The following PUM1 variants were observed in gnomAD, a reference collection of about 807,000 sequenced individuals.
PUM1 encodes the protein pumilio RNA binding family member 1.
Under a neutral mutation model 131.8 loss-of-function variants are expected in PUM1, and 13 were observed. That is an observed-to-expected ratio of 0.10 (90% confidence interval 0.06 to 0.16). The LOEUF is 0.16. PUM1 is among the 10% of genes least tolerant of loss of function. PUM1 has a pLI of 1.00. For missense variants in PUM1, 961 were observed against 1,512.4 expected (o/e 0.64, Z 6.05); for synonymous variants, 509 against 556.5 (o/e 0.91, Z 1.20).
intron 17 of PUM1, among the ~76,000 whole-genome samples, chr1:30,949,555 A>T (rs959139381): frequency 2.6e-5 from 4 of 151,116 alleles, no homozygotes; most frequent in Non-Finnish European, 5.9e-5. Flanking sequence ...GGGAAGGGTG[A>T]GGGGTCCTTC....
intron 2 of PUM1, among the ~76,000 whole-genome samples, chr1:31,038,984 A>ATTTTTTTTTTTTTT (rs35507851): frequency 1.4e-4 from 7 of 49,414 alleles, no homozygotes; most frequent in African/African-American, 1.2e-3. Context: ...ATATATATAT[A>ATTTTTTTTTTTTTT]TTTTTTTTTT....
intron 2 of PUM1, among the ~76,000 whole-genome samples, chr1:31,033,912 T>A (rs1469092442): frequency 6.6e-6 from 1 of 152,072 alleles, no homozygotes; most frequent in African/African-American, 2.4e-5. Context: ...AGTGCTGGGA[T>A]TACAGGTATT....
intron 17 of PUM1, among the ~76,000 whole-genome samples, chr1:30,947,868 T>C (rs1021474773): frequency 2.7e-5 from 4 of 150,152 alleles, no homozygotes; most frequent in African/African-American, 9.8e-5. Flanking sequence ...CAGAAGGGAA[T>C]AAATTTTTTT....
intron 1 of PUM1, among the ~76,000 whole-genome samples, chr1:31,065,296 A>C (rs1385965486): frequency 6.6e-6 from 1 of 152,118 alleles, no homozygotes; most frequent in African/African-American, 2.4e-5. Context: ...TGGCAACATC[A>C]ATCTTCGGTG....
intron 4 of PUM1, 90 bp from the exon 5 acceptor site, chr1:31,006,121 G>A (rs2124509306): frequency 1.6e-6 from 2 of 1,214,724 alleles, no homozygotes; most frequent in East Asian, 2.5e-5. Context: ...ATGGAATCAG[G>A]AAACTTGCCA....
intron 2 of PUM1, among the ~76,000 whole-genome samples, chr1:31,042,254 C>T (rs975151389): frequency 4.6e-5 from 7 of 151,508 alleles, no homozygotes; most frequent in South Asian, 2.1e-4. Flanking sequence ...TGCAGTGAGC[C>T]GAGATTGCAC....
chr1:31,006,881 A>G (rs1642416773), intron 4 of PUM1, 113 bp downstream of exon 4: 1 of 737,886 alleles, frequency 1.4e-6, no homozygotes, highest in African/African-American at 1.8e-5. Context: ...ACAGGAGAGG[A>G]CACTGCTTGA....
chr1:30,969,316 C>CACAA (rs1408362237), intron 10 of PUM1, among the ~76,000 whole-genome samples: 2 of 51,204 alleles, frequency 3.9e-5, no homozygotes, highest in African/African-American at 7.4e-5. Flanking sequence ...AACACACACA[C>CACAA]AAAAAAAAAA....
At chr1:30,957,174 G>A (rs1228965962) in intron 14 of PUM1, among the ~76,000 whole-genome samples, 1 of 149,514 alleles carries the variant, frequency 6.7e-6, no homozygotes, top group Non-Finnish European at 1.5e-5. Flanking sequence ...ATTTTCCTAG[G>A]TACTAAATTA....
intron 2 of PUM1, among the ~76,000 whole-genome samples, chr1:31,058,919 G>A (rs1271253146): frequency 2.6e-5 from 4 of 151,992 alleles, no homozygotes; most frequent in East Asian, 1.9e-4. Context: ...GCAGTGAGCC[G>A]AGATCAAGCC....
At chr1:30,936,340 G>A (rs1639209544) in intron 21 of PUM1, among the ~76,000 whole-genome samples, 1 of 152,200 alleles carries the variant, frequency 6.6e-6, no homozygotes, top group Non-Finnish European at 1.5e-5. Context: ...GGAGGAGTGA[G>A]AAAAGGAAAT....
At chr1:30,996,120 A>G (rs2124491837) in intron 5 of PUM1, among the ~76,000 whole-genome samples, 1 of 152,358 alleles carries the variant, frequency 6.6e-6, no homozygotes, top group South Asian at 2.1e-4. Context: ...GACTTGACAT[A>G]GTACAGAGAG....
At chr1:31,033,078 C>T (rs1240051042) in intron 2 of PUM1, among the ~76,000 whole-genome samples, 1 of 151,680 alleles carries the variant, frequency 6.6e-6, no homozygotes, top group Non-Finnish European at 1.5e-5. Flanking sequence ...ACGTTATTTT[C>T]CTTGACTACA....
chr1:30,939,226 A>T (rs952608619), intron 20 of PUM1, among the ~76,000 whole-genome samples: 11 of 152,322 alleles, frequency 7.2e-5, no homozygotes, highest in African/African-American at 2.4e-4. Flanking sequence ...CACCAAAGAG[A>T]AGTGCCCTCC....
chr1:31,041,661 A>G (rs1343275020), intron 2 of PUM1, among the ~76,000 whole-genome samples: 1 of 152,064 alleles, frequency 6.6e-6, no homozygotes, highest in African/African-American at 2.4e-5. Context: ...TTCTCTCTCC[A>G]GCTCCCTCTC....
chr1:30,992,290 A>G, intron 7 of PUM1, 100 bp downstream of exon 7: 1 of 1,483,736 alleles, frequency 6.7e-7, no homozygotes, highest in South Asian at 1.3e-5. Context: ...GGATAGCCTG[A>G]AACAATGCCA....
chr1:31,031,656 A>C (rs149015504), intron 2 of PUM1, among the ~76,000 whole-genome samples: 8 of 152,254 alleles, frequency 5.3e-5, no homozygotes, highest in Middle Eastern at 3.4e-3. Flanking sequence ...ATATTCTATT[A>C]TTTTACTACA....
At chr1:30,956,956 T>C (rs2124423499) in intron 14 of PUM1, among the ~76,000 whole-genome samples, 1 of 152,230 alleles carries the variant, frequency 6.6e-6, no homozygotes, top group South Asian at 2.1e-4. Flanking sequence ...TAATGACTAA[T>C]CCACACACAG....
intron 17 of PUM1, among the ~76,000 whole-genome samples, chr1:30,946,624 G>T (rs1253251734): frequency 8.0e-6 from 1 of 125,092 alleles, no homozygotes; most frequent in Admixed American, 8.2e-5. Flanking sequence ...GCGACAGAGC[G>T]AGACTCTGTC....
Sources: gnomAD v4.1 joint callset for allele counts (sites outside exome capture counted in the v4.1 genomes callset) on GRCh38, gnomAD v4.1.1 for gene constraint, MANE v1.5 for transcripts, NCBI Gene and HGNC (gene_info 2026-07-23, HGNC 2026-07-21) for gene names.